The following ZNF93 variants were observed in gnomAD, a reference collection of about 807,000 sequenced individuals.
ZNF93 encodes zinc finger protein 505.
ZNF93 carries 29 observed loss-of-function variants against 45.0 expected under a neutral mutation model. That is an observed-to-expected ratio of 0.64 (90% CI 0.48 to 0.88). ZNF93 has a LOEUF of 0.88. ZNF93 is among the 40% of genes least tolerant of loss of function. The pLI is 0.00. For synonymous variants in ZNF93, 223 were observed against 244.6 expected, an observed-to-expected ratio of 0.91 and a Z score of 0.82; for missense variants, 578 against 724.0, an observed-to-expected ratio of 0.80 and a Z score of 2.31.
Position 19,900,966 on chromosome 19 carries a change from C to T in ZNF93, c.-123C>T. ...CCTTTGTCTCTCGGTGCAGCCGGAG[C>T]TCCAGGTCTCCTCTTCACTACTCTG... is the stretch of plus-strand genomic sequence containing the variant. On this transcript the variant is annotated 5_prime_UTR_variant, in exon 1 of 4. Transcript: ENST00000343769. 2 of 1,491,702 alleles carry T rather than the reference C, an allele frequency of 1.3e-6. No homozygotes were observed. The highest frequency in any genetic ancestry group is 3.5e-5 in the Admixed American group (2 of 57,170). 92.4% of individuals were successfully genotyped at this position (1,491,702 alleles called of 1,614,324 possible).
rs1229246940 is a variant in ZNF93, at chr19:19,935,395, A to G, written c.*577A>G. On this transcript the variant is annotated 3_prime_UTR_variant, in exon 4 of 4. Transcript: ENST00000343769. The stretch of plus-strand genomic sequence containing the variant: ...GGCATCTCATCACCCTAAGGGCCCA[A>G]CGAAAGATCTTTACCTTCTAACATC... 2 of 152,894 alleles carry G rather than the reference A, an allele frequency of 1.3e-5. No individual in the cohort carries two copies. The highest frequency in any genetic ancestry group is 6.5e-5 in the Admixed American group (1 of 15,330). 9.5% of individuals were successfully genotyped at this position (152,894 alleles called of 1,614,324 possible). A position where few individuals can be genotyped will look rare whatever the true frequency, so the allele number is the denominator to read the frequency against.
chr19:19,907,896 G>T (rs532325523), intron 1 of ZNF93: 1 of 151,990 alleles, frequency 6.6e-6, no homozygotes, highest in African/African-American at 2.4e-5. Flanking sequence ...CACTTAAATG[G>T]TTATTTTAAT....
chr19:19,927,187 A>C, intron 3 of ZNF93: 1 of 398,508 alleles, frequency 2.5e-6, no homozygotes, highest in East Asian at 3.6e-5. Flanking sequence ...CTGGAGCCCA[A>C]AAGTTTGAGA....
chr19:19,918,613 G>A (rs1249222208), intron 3 of ZNF93, among the ~76,000 whole-genome samples: 1 of 152,152 alleles, frequency 6.6e-6, no homozygotes, highest in Non-Finnish European at 1.5e-5. Context: ...TCCAGCACCT[G>A]TTGTTTCCTG....
intron 3 of ZNF93, among the ~76,000 whole-genome samples, chr19:19,930,315 A>G (rs2063369755): frequency 6.6e-6 from 1 of 152,216 alleles, no homozygotes; most frequent in Non-Finnish European, 1.5e-5. Context: ...CCAGGTGTAC[A>G]GTATGGAACC....
chr19:19,920,570 T>A (rs769121864), intron 3 of ZNF93, among the ~76,000 whole-genome samples: 3 of 152,194 alleles, frequency 2.0e-5, no homozygotes, highest in Non-Finnish European at 4.4e-5. Flanking sequence ...TGTGAATCCA[T>A]CTGGTCCTGG....
chr19:19,931,087 CTG>C (rs1271099586), intron 3 of ZNF93, among the ~76,000 whole-genome samples: 2 of 151,132 alleles, frequency 1.3e-5, no homozygotes, highest in Non-Finnish European at 2.9e-5. Context: ...AGGCAGCACA[CTG>C]TATGCTTTTT....
intron 3 of ZNF93, chr19:19,932,072 G>A (rs974600363): frequency 8.2e-5 from 25 of 306,006 alleles, no homozygotes; most frequent in Non-Finnish European, 1.3e-4. Flanking sequence ...TCAGGAGATC[G>A]AGACCATCTG....
intron 3 of ZNF93, among the ~76,000 whole-genome samples, chr19:19,930,309 G>T (rs2063369749): frequency 6.6e-6 from 1 of 152,178 alleles, no homozygotes; most frequent in South Asian, 2.1e-4. Context: ...GCAGAGCCAG[G>T]TGTACAGTAT....
At position 19,935,369 on chromosome 19, in the gene ZNF93, G is replaced by T; in HGVS notation, c.*551G>T. 6.5e-6 allele frequency: 1 copy of T among 153,600 alleles called. No homozygotes were observed. The highest frequency in any genetic ancestry group is 1.4e-5 in the Non-Finnish European group (1 of 69,062). 9.5% of individuals were successfully genotyped at this position (153,600 alleles called of 1,614,324 possible). A position where few individuals can be genotyped will look rare whatever the true frequency, so the allele number is the denominator to read the frequency against. On this transcript the variant is annotated 3_prime_UTR_variant, in exon 4 of 4. Transcript: ENST00000343769. ...AACCCCTCATCACTACAAATTCAGA[G>T]GGCATCTCATCACCCTAAGGGCCCA... is the stretch of plus-strand genomic sequence containing the variant.
At chr19:19,924,689 C>T (rs928125411) in intron 3 of ZNF93, among the ~76,000 whole-genome samples, 1 of 151,688 alleles carries the variant, frequency 6.6e-6, no homozygotes, top group Non-Finnish European at 1.5e-5. Flanking sequence ...CTCCTGGGTT[C>T]AAGAGATTCT....
In ZNF93 at chr19:19,900,978, T is replaced by C; in HGVS notation, c.-111T>C. 6.5e-7 allele frequency: 1 copy of C among 1,541,188 alleles called. No individual in the cohort carries two copies. Among genetic ancestry groups the C allele is most frequent in the Non-Finnish European group, 8.9e-7 (1 of 1,117,658 alleles). ...GGTGCAGCCGGAGCTCCAGGTCTCC[T>C]CTTCACTACTCTGTGTCCTGTGCTC... On this transcript the variant is annotated 5_prime_UTR_variant, in exon 1 of 4. Transcript: ENST00000343769.
chr19:19,922,530 T>G (rs939158137), intron 3 of ZNF93, among the ~76,000 whole-genome samples: 1 of 152,196 alleles, frequency 6.6e-6, no homozygotes, highest in Non-Finnish European at 1.5e-5. Context: ...TCCTGCAGAG[T>G]GTTTTCCAGC....
chr19:19,911,023 G>A (rs2063306163), intron 1 of ZNF93, among the ~76,000 whole-genome samples: 1 of 152,202 alleles, frequency 6.6e-6, no homozygotes, highest in Non-Finnish European at 1.5e-5. Context: ...ATCTGTAAGT[G>A]TAAATAAGCA....
chr19:19,911,967 C>CTT (rs905952308), intron 1 of ZNF93, among the ~76,000 whole-genome samples: 1 of 151,978 alleles, frequency 6.6e-6, no homozygotes, highest in African/African-American at 2.4e-5. Flanking sequence ...TCAGGCTGGT[C>CTT]TTTAACTGCT....
intron 1 of ZNF93, among the ~76,000 whole-genome samples, chr19:19,910,039 C>G (rs117882403): frequency 0.014 from 2,066 of 152,126 alleles, 117 homozygotes; most frequent in East Asian, 0.099. Context: ...CTATGGAGCC[C>G]AGAAACCCAA....
Position 19,901,015 on chromosome 19 carries a change from G to A in ZNF93, c.-74G>A, listed in dbSNP as rs938108133. On this transcript the variant is annotated 5_prime_UTR_variant, in exon 1 of 4. Coordinates refer to ENST00000343769, the MANE Select transcript of ZNF93 (RefSeq NM_031218.4). Reference sequence around the variant, plus strand: ...TGTGTCCTGTGCTCCTACAGGCCCAGCCTCTGTGGCCCTGTGACCTGCAGG... The same window carrying A: ...TGTGTCCTGTGCTCCTACAGGCCCAACCTCTGTGGCCCTGTGACCTGCAGG... 4 of 1,596,212 alleles carry A rather than the reference G, an allele frequency of 2.5e-6. No individual in the cohort carries two copies. The highest frequency in any genetic ancestry group is 4.5e-5 in the East Asian group (2 of 44,732).
chr19:19,930,272 A>G (rs990968504), intron 3 of ZNF93, among the ~76,000 whole-genome samples: 4 of 152,102 alleles, frequency 2.6e-5, no homozygotes, highest in African/African-American at 9.7e-5. Flanking sequence ...TAGTACTTTC[A>G]CTAATTTTGC....
At chr19:19,908,196 G>A (rs931509550) in intron 1 of ZNF93, 1 of 152,114 alleles carries the variant, frequency 6.6e-6, no homozygotes, top group African/African-American at 2.4e-5. Context: ...AACCATAATA[G>A]CTCTTCAGTT....
Sources: allele counts gnomAD v4.1 joint callset (sites outside exome capture counted in the v4.1 genomes callset), GRCh38; gene constraint gnomAD v4.1.1; transcripts MANE v1.5; gene names NCBI Gene and HGNC (gene_info 2026-07-23, HGNC 2026-07-21).